The following LRRIQ1 variants were observed in gnomAD, a reference collection of about 807,000 sequenced individuals.
LRRIQ1 encodes the protein leucine rich repeats and IQ motif containing 1.
Under a neutral mutation model 211.9 loss-of-function variants are expected in LRRIQ1, and 210 were observed. The observed-to-expected ratio is 0.99, with a 90% CI of 0.89 to 1.11. The LOEUF (loss-of-function observed/expected upper bound fraction) is 1.11. LRRIQ1 is among the 50% of genes most tolerant of loss of function. The pLI is 0.00. For missense variants in LRRIQ1, 2,136 were observed against 1,939.5 expected (o/e 1.10, Z -1.90); for synonymous variants, 699 against 650.1 (o/e 1.08, Z -1.14).
chr12:85,127,725 C>T, intron 17 of LRRIQ1, 107 bp from the exon 18 acceptor site: 2 of 852,364 alleles, frequency 2.3e-6, no homozygotes, highest in Non-Finnish European at 3.7e-6. Context: ...TTAAATAATA[C>T]TTTATGTGTT....
chr12:85,212,125 A>G (rs1592976885), intron 24 of LRRIQ1, among the ~76,000 whole-genome samples: 1 of 151,922 alleles, frequency 6.6e-6, no homozygotes, highest in African/African-American at 2.4e-5. Flanking sequence ...CAACAACAAT[A>G]ACAACAAAAA....
At chr12:85,128,703 A>G (rs1236291869) in intron 18 of LRRIQ1, among the ~76,000 whole-genome samples, 2 of 152,212 alleles carry the variant, frequency 1.3e-5, no homozygotes, top group Non-Finnish European at 2.9e-5. Context: ...CTATTTCTAT[A>G]TGTTTGAAAA....
intron 20 of LRRIQ1, 149 bp downstream of exon 20, chr12:85,152,518 A>G (rs1490121952): frequency 4.1e-6 from 2 of 485,240 alleles, no homozygotes; most frequent in African/African-American, 4.0e-5. Context: ...CCCAGATGTA[A>G]TTTTTCATGT....
At chr12:85,254,291 A>G (rs1896027993) in intron 1 of LRRIQ1, among the ~76,000 whole-genome samples, 1 of 152,162 alleles carries the variant, frequency 6.6e-6, no homozygotes, top group Non-Finnish European at 1.5e-5. Context: ...ATTGCTTTAC[A>G]GCAATGTGAG....
chr12:85,041,049 A>G (rs1166002381), intron 3 of LRRIQ1, among the ~76,000 whole-genome samples: 1 of 151,754 alleles, frequency 6.6e-6, no homozygotes, highest in African/African-American at 2.4e-5. Context: ...AATTAGAATT[A>G]ACCTTGGCTT....
intron 24 of LRRIQ1, among the ~76,000 whole-genome samples, chr12:85,195,545 C>A (rs1892855853): frequency 1.3e-5 from 2 of 152,054 alleles, no homozygotes; most frequent in Admixed American, 6.6e-5. Context: ...TAATGTAATC[C>A]AGCATATAAA....
intron 16 of LRRIQ1, among the ~76,000 whole-genome samples, chr12:85,122,913 A>G (rs926060308): frequency 6.6e-6 from 1 of 152,026 alleles, no homozygotes; most frequent in Non-Finnish European, 1.5e-5. Context: ...AAATTTCAAC[A>G]TGAGATTTTA....
intron 24 of LRRIQ1, among the ~76,000 whole-genome samples, chr12:85,197,191 A>G (rs1892966672): frequency 6.6e-6 from 1 of 152,122 alleles, no homozygotes; most frequent in Non-Finnish European, 1.5e-5. Flanking sequence ...GGTGCTGGAG[A>G]GGATGTGGAG....
intron 6 of LRRIQ1, 177 bp downstream of exon 6, chr12:85,047,647 T>G: frequency 1.9e-6 from 1 of 538,216 alleles, no homozygotes; most frequent in Non-Finnish European, 3.3e-6. Flanking sequence ...GATTAGTTTT[T>G]ATTGAAATTC....
intron 15 of LRRIQ1, among the ~76,000 whole-genome samples, chr12:85,111,026 G>C (rs1248529042): frequency 1.3e-5 from 2 of 152,050 alleles, no homozygotes; most frequent in African/African-American, 2.4e-5. Context: ...TTATCTCATA[G>C]GGTAATATAG....
At chr12:85,091,327 G>A (rs183379508) in intron 11 of LRRIQ1, among the ~76,000 whole-genome samples, 106 of 152,124 alleles carry the variant, frequency 7.0e-4, no homozygotes, top group East Asian at 2.7e-3. Flanking sequence ...TGTCCTTTGC[G>A]CGTGTTTTAA....
chr12:85,271,747 G>A, the LRRIQ1 span, among the ~76,000 whole-genome samples: 1 of 151,956 alleles, frequency 6.6e-6, no homozygotes, highest in Non-Finnish European at 1.5e-5. Context: ...AACCCCATAA[G>A]CTTTGTTTTT....
chr12:85,072,424 A>C (rs533018711), intron 10 of LRRIQ1, among the ~76,000 whole-genome samples: 2 of 151,884 alleles, frequency 1.3e-5, no homozygotes, highest in Non-Finnish European at 2.9e-5. Flanking sequence ...TTTATTTTGC[A>C]TGTGTAAGAT....
chr12:85,245,171 A>T (rs369238471), downstream of LRRIQ1: 3 of 502,570 alleles, frequency 6.0e-6, no homozygotes, highest in African/African-American at 6.0e-5. Context: ...CACCCTGTGA[A>T]TCATATTGAA....
intron 24 of LRRIQ1, among the ~76,000 whole-genome samples, chr12:85,195,428 A>G (rs1892847857): frequency 6.6e-6 from 1 of 151,366 alleles, no homozygotes. Context: ...ATCCTCAATA[A>G]AATACTGGCA....
At chr12:85,180,477 T>G (rs1891922084) in intron 24 of LRRIQ1, among the ~76,000 whole-genome samples, 1 of 151,922 alleles carries the variant, frequency 6.6e-6, no homozygotes, top group African/African-American at 2.4e-5. Context: ...ATTATTTTAA[T>G]TAAAAAAAAT....
At chr12:85,179,223 C>G (rs1459700510) in intron 24 of LRRIQ1, among the ~76,000 whole-genome samples, 1 of 151,876 alleles carries the variant, frequency 6.6e-6, no homozygotes, top group African/African-American at 2.4e-5. Flanking sequence ...CAGAATCATT[C>G]TTAATTCTGT....
At chr12:85,214,353 A>G (rs1893977859) in intron 24 of LRRIQ1, among the ~76,000 whole-genome samples, 1 of 152,154 alleles carries the variant, frequency 6.6e-6, no homozygotes, top group Non-Finnish European at 1.5e-5. Context: ...GACAAGCAGA[A>G]TCTAAGATTT....
intron 24 of LRRIQ1, among the ~76,000 whole-genome samples, chr12:85,167,150 C>T (rs1289241367): frequency 1.3e-5 from 2 of 152,174 alleles, no homozygotes; most frequent in Non-Finnish European, 2.9e-5. Flanking sequence ...TGTATTATCT[C>T]AGGCATTTAA....
Sources: gnomAD v4.1 joint callset for allele counts (sites outside exome capture counted in the v4.1 genomes callset) on GRCh38, gnomAD v4.1.1 for gene constraint, MANE v1.5 for transcripts, NCBI Gene and HGNC (gene_info 2026-07-23, HGNC 2026-07-21) for gene names.